RREB1: variants seen among roughly 807,000 people sequenced by gnomAD.
RREB1 encodes the protein ras responsive element binding protein 1.
RREB1 carries 27 observed loss-of-function variants against 117.8 expected under a neutral mutation model. The ratio of observed to expected loss-of-function variants is 0.23; its 90% confidence interval spans 0.17 to 0.32. The LOEUF is 0.32. Among genes scored for constraint, RREB1 ranks in the 10% least tolerant of loss-of-function variants. RREB1 has a pLI of 1.00. For missense variants in RREB1, 2,577 were observed against 2,378.2 expected, an observed-to-expected ratio of 1.08 and a Z score of -1.74; for synonymous variants, 1,298 against 1,026.7, an observed-to-expected ratio of 1.26 and a Z score of -5.05.
intron 1 of RREB1, among the ~76,000 whole-genome samples, 199 bp downstream of exon 1, chr6:7,108,259 C>T (rs1180504513): frequency 6.6e-6 from 1 of 151,886 alleles, no homozygotes; most frequent in African/African-American, 2.4e-5. Context: ...CTCGGGCCGG[C>T]GGGGCGGCCA....
At chr6:7,153,746 T>G (rs895486507) in intron 1 of RREB1, among the ~76,000 whole-genome samples, 3 of 152,210 alleles carry the variant, frequency 2.0e-5, no homozygotes, top group African/African-American at 7.2e-5. Context: ...GAAGCTATGT[T>G]GAAGTATCAA....
Position 7,251,979 on chromosome 6 carries a change from C to T in RREB1, c.*3011C>T, listed in dbSNP as rs1352024286. The T allele has an allele frequency of 2.6e-5, 4 of 152,202 alleles. No homozygotes were observed. The highest frequency in any genetic ancestry group is 5.9e-5 in the Non-Finnish European group (4 of 68,044). The allele number at this position is 152,202 out of a possible 1,614,324, so 9.4% of individuals were successfully genotyped here. ...AATAAATGTTATATTTTAAAAGCTG[C>T]AGATTGCCGGTCACGTGGCCGTCCT... On this transcript the variant is annotated 3_prime_UTR_variant, in exon 13 of 13. Coordinates refer to ENST00000379938, the MANE Select transcript of RREB1 (RefSeq NM_001003699.4).
Position 7,143,855 on chromosome 6 carries a change from T to C in RREB1, c.-284-32800T>C, listed in dbSNP as rs201414506. ...CACTGCAGCCTTTTTTTCTTTCTTTTTTTTTTTTTTTTTTTGCATAGGCCA... is the reference window on the plus strand; with the variant it reads ...CACTGCAGCCTTTTTTTCTTTCTTTCTTTTTTTTTTTTTTTGCATAGGCCA... On this transcript the variant is annotated intron_variant, in intron 1 of 12. Coordinates refer to ENST00000379938, the MANE Select transcript of RREB1 (RefSeq NM_001003699.4). Among the ~76,000 whole-genome samples, 377 of 137,612 alleles carry C rather than the reference T, an allele frequency of 2.7e-3. 1 individual carries two copies. Among genetic ancestry groups the C allele is most frequent in the African/African-American group, 0.011 (344 of 32,328 alleles). The allele number at this position is 137,612 out of a possible 152,430, so 90.3% of individuals were successfully genotyped here.
chr6:7,202,922 A>G (rs1432777106), intron 6 of RREB1, among the ~76,000 whole-genome samples: 2 of 152,128 alleles, frequency 1.3e-5, no homozygotes, highest in African/African-American at 4.8e-5. Context: ...GTTTTTAAGA[A>G]TGTCTGACTT....
chr6:7,134,087 C>T (rs1262706779), intron 1 of RREB1, among the ~76,000 whole-genome samples: 1 of 152,108 alleles, frequency 6.6e-6, no homozygotes. Flanking sequence ...CCTGGGCACT[C>T]ATTGTGTGAG....
intron 1 of RREB1, among the ~76,000 whole-genome samples, chr6:7,122,253 T>A (rs1249625273): frequency 6.6e-6 from 1 of 152,062 alleles, no homozygotes; most frequent in Non-Finnish European, 1.5e-5. Context: ...TTTCCATCTC[T>A]CTCTCATTTT....
At chr6:7,126,158 C>T (rs1268042557) in intron 1 of RREB1, among the ~76,000 whole-genome samples, 3 of 152,092 alleles carry the variant, frequency 2.0e-5, no homozygotes, top group African/African-American at 7.2e-5. Context: ...CGCACCACCA[C>T]ACCCAGCTAA....
At chr6:7,212,233 T>C (rs1485537632) in intron 8 of RREB1, 1 of 152,444 alleles carries the variant, frequency 6.6e-6, no homozygotes, top group Non-Finnish European at 1.5e-5. Flanking sequence ...TGCAGGACAC[T>C]TGGCCAAAAA....
At position 7,148,451 on chromosome 6, in the gene RREB1, C is replaced by T. The variant is rs150079857; in HGVS notation, c.-284-28204C>T. Among the ~76,000 whole-genome samples the T allele has an allele frequency of 3.9e-3, 590 of 151,578 alleles. 3 individuals are homozygous for T. The highest frequency in any genetic ancestry group is 0.014 in the African/African-American group (559 of 41,188). On this transcript the variant is annotated intron_variant, in intron 1 of 12. Coordinates refer to ENST00000379938, the MANE Select transcript of RREB1 (RefSeq NM_001003699.4). Reference sequence around the variant, plus strand: ...CCCTCTGTGTTATTTCTTAAAACTGCCTGTGTATCCACAATTATCTCAGGA... The same window carrying T: ...CCCTCTGTGTTATTTCTTAAAACTGTCTGTGTATCCACAATTATCTCAGGA...
Position 7,248,591 on chromosome 6 carries a change from C to T in RREB1, c.4852C>T (p.Gln1618Ter). The T allele has an allele frequency of 1.2e-6, 2 of 1,614,258 alleles. No individual in the cohort carries two copies. The highest frequency in any genetic ancestry group is 2.7e-5 in the African/African-American group (2 of 75,056). Residue 1618 changes from glutamine to a stop codon, truncating the protein, a stop_gained, in exon 13 of 13, where the codon CAG (glutamine) becomes TAG (stop). Transcript: ENST00000379938. LOFTEE classifies it high-confidence loss of function. ...HSLVRHQRIH[Q>*]KARHAKHHGK... is the part of the protein sequence containing the mutation. ...CCTGGTTCGCCACCAGCGGATCCACCAGAAAGCCAGGCATGCCAAACACCA... is the reference window on the plus strand; with the variant it reads ...CCTGGTTCGCCACCAGCGGATCCACTAGAAAGCCAGGCATGCCAAACACCA...
chr6:7,233,398 G>T (rs1171212708), intron 10 of RREB1, among the ~76,000 whole-genome samples: 1 of 152,120 alleles, frequency 6.6e-6, no homozygotes, highest in Admixed American at 6.6e-5. Flanking sequence ...TGAACTAAGC[G>T]CAAATTAGTG....
intron 1 of RREB1, among the ~76,000 whole-genome samples, chr6:7,170,996 A>T (rs1266473108): frequency 2.0e-5 from 3 of 152,108 alleles, no homozygotes; most frequent in Non-Finnish European, 4.4e-5. Flanking sequence ...ATTTCTAATA[A>T]AGGGCTGGAT....
At chr6:7,208,495 A>G (rs1356504235) in intron 6 of RREB1, among the ~76,000 whole-genome samples, 1 of 152,206 alleles carries the variant, frequency 6.6e-6, no homozygotes, top group African/African-American at 2.4e-5. Flanking sequence ...GGAACTTCCC[A>G]TGTTGTACCC....
intron 1 of RREB1, among the ~76,000 whole-genome samples, chr6:7,116,373 A>G (rs1761398064): frequency 6.6e-6 from 1 of 152,120 alleles, no homozygotes; most frequent in Admixed American, 6.5e-5. Context: ...ACCCAGCTTA[A>G]ATACTACCTC....
chr6:7,170,567 C>T (rs188559734), intron 1 of RREB1, among the ~76,000 whole-genome samples: 4 of 152,306 alleles, frequency 2.6e-5, no homozygotes, highest in African/African-American at 9.6e-5. Flanking sequence ...TCCAGGGCTG[C>T]GTGAAGGCCC....
intron 6 of RREB1, among the ~76,000 whole-genome samples, chr6:7,195,331 G>T (rs1003672433): frequency 5.3e-5 from 8 of 152,144 alleles, no homozygotes; most frequent in Non-Finnish European, 1.2e-4. Context: ...CATTTCATTT[G>T]TTAGCGAAAC....
At chr6:7,204,060 C>G (rs557191789) in intron 6 of RREB1, among the ~76,000 whole-genome samples, 1 of 152,342 alleles carries the variant, frequency 6.6e-6, no homozygotes, top group African/African-American at 2.4e-5. Context: ...AGCGAGCCTA[C>G]AGACTGTGGG....
intron 10 of RREB1, among the ~76,000 whole-genome samples, chr6:7,238,320 C>T (rs1017839558): frequency 1.3e-5 from 2 of 152,226 alleles, no homozygotes; most frequent in African/African-American, 4.8e-5. Flanking sequence ...TCACTGCCAC[C>T]TCCGCCTCCC....
At position 7,229,924 on chromosome 6, in the gene RREB1, A is replaced by C; in HGVS notation, c.1825A>C (p.Ser609Arg). 1 of 1,599,348 alleles carries C rather than the reference A, an allele frequency of 6.3e-7. No homozygotes were observed. Reference sequence around the variant, plus strand: ...CATCATCGAGGCCCTGCTGCCGCTGAGCATGGAGGCCAAGATCAAGCAGGA... The same window carrying C: ...CATCATCGAGGCCCTGCTGCCGCTGCGCATGGAGGCCAAGATCAAGCAGGA... ...DSIIEALLPL[S>R]MEAKIKQEIT... The change falls in exon 10 of 13, where the codon AGC (serine) becomes CGC (arginine). Residue 609 changes from serine (S) to arginine (R), a missense_variant. By Grantham distance (110) the Ser-to-Arg change is moderately radical (BLOSUM62 -1). Coordinates refer to ENST00000379938, the MANE Select transcript of RREB1 (RefSeq NM_001003699.4). The surrounding 1 kb of genome is among the most constrained non-coding windows in gnomAD (Gnocchi z 4.5).
Sources: gnomAD v4.1 joint callset for allele counts (sites outside exome capture counted in the v4.1 genomes callset) on GRCh38, gnomAD v4.1.1 for gene constraint, Gnocchi (gnomAD v3.1) non-coding constraint, MANE v1.5 for transcripts, NCBI Gene and HGNC (gene_info 2026-07-23, HGNC 2026-07-21) for gene names.